FAM193A: variants seen among roughly 807,000 people sequenced by gnomAD.
FAM193A encodes the protein protein FAM193A.
A neutral mutation model predicts 126.5 loss-of-function variants in FAM193A; 22 were observed. That is an observed-to-expected ratio of 0.17 (90% CI 0.12 to 0.25). The LOEUF (loss-of-function observed/expected upper bound fraction) is 0.25. Ranked by LOEUF, FAM193A falls within the 10% of genes least tolerant of loss-of-function variation. FAM193A has a pLI of 1.00. For synonymous variants in FAM193A, 761 were observed against 646.8 expected (o/e 1.18, Z -2.68); for missense variants, 1,675 against 1,672.8 (o/e 1.00, Z -0.02).
At chr4:2,625,216 G>T in intron 2 of FAM193A, 46 bp from the exon 3 acceptor site, 1 of 639,580 alleles carries the variant, frequency 1.6e-6, no homozygotes, top group South Asian at 1.7e-5. Context: ...TTGATGCCGT[G>T]AACATTTTAA....
chr4:2,640,175 C>G (rs552636952), intron 6 of FAM193A, among the ~76,000 whole-genome samples: 1 of 152,176 alleles, frequency 6.6e-6, no homozygotes, highest in Admixed American at 6.6e-5. Context: ...GTGGTTCATG[C>G]TATGGCTCTT....
At chr4:2,612,513 A>G (rs1208414671) in intron 2 of FAM193A, among the ~76,000 whole-genome samples, 4 of 151,868 alleles carry the variant, frequency 2.6e-5, no homozygotes, top group African/African-American at 7.3e-5. Flanking sequence ...CAACAAACAA[A>G]CAAAAAAGTT....
intron 2 of FAM193A, among the ~76,000 whole-genome samples, chr4:2,608,330 C>G (rs2108936329): frequency 6.6e-6 from 1 of 152,230 alleles, no homozygotes; most frequent in South Asian, 2.1e-4. Flanking sequence ...AGGTGCGCAC[C>G]ACCATGCCTG....
intron 1 of FAM193A, among the ~76,000 whole-genome samples, chr4:2,568,578 A>T (rs947784086): frequency 5.9e-5 from 9 of 152,170 alleles, no homozygotes; most frequent in African/African-American, 2.2e-4. Context: ...CTGCCATGTG[A>T]ATTTAGACAG....
chr4:2,591,295 G>A (rs927410875), intron 1 of FAM193A, among the ~76,000 whole-genome samples: 1 of 152,116 alleles, frequency 6.6e-6, no homozygotes, highest in Admixed American at 6.5e-5. Flanking sequence ...TTTCAAGTGG[G>A]TGATTTTGCA....
At chr4:2,672,815 A>T (rs1484037548) in intron 13 of FAM193A, among the ~76,000 whole-genome samples, 1 of 152,176 alleles carries the variant, frequency 6.6e-6, no homozygotes, top group African/African-American at 2.4e-5. Context: ...CTGCTTTAGC[A>T]TTTAGAAATA....
intron 2 of FAM193A, among the ~76,000 whole-genome samples, chr4:2,596,693 C>T (rs1368290688): frequency 6.6e-6 from 1 of 152,222 alleles, no homozygotes. Flanking sequence ...TTACGCGATG[C>T]TCTTAAGCCT....
chr4:2,550,179 G>T (rs1431662033), intron 1 of FAM193A, among the ~76,000 whole-genome samples: 2 of 151,354 alleles, frequency 1.3e-5, no homozygotes, highest in African/African-American at 4.9e-5. Flanking sequence ...TGAGACTGTG[G>T]TGGTGCCAGG....
intron 5 of FAM193A, among the ~76,000 whole-genome samples, chr4:2,636,547 A>C (rs949730205): frequency 6.6e-6 from 1 of 152,136 alleles, no homozygotes; most frequent in Admixed American, 6.5e-5. Flanking sequence ...TTCTCTACTT[A>C]TACATGGTTT....
At chr4:2,567,019 A>G (rs1739004585) in intron 1 of FAM193A, among the ~76,000 whole-genome samples, 1 of 150,560 alleles carries the variant, frequency 6.6e-6, no homozygotes, top group African/African-American at 2.4e-5. Flanking sequence ...GGCTCACTGC[A>G]AGCTCCGCCT....
chr4:2,560,100 C>G (rs993579275), intron 1 of FAM193A, among the ~76,000 whole-genome samples: 4 of 152,060 alleles, frequency 2.6e-5, no homozygotes, highest in African/African-American at 9.7e-5. Flanking sequence ...TGCCACCACA[C>G]CCAGCTAATC....
intron 19 of FAM193A, among the ~76,000 whole-genome samples, chr4:2,705,625 T>G (rs765074398): frequency 5.3e-5 from 8 of 152,112 alleles, no homozygotes; most frequent in African/African-American, 1.9e-4. Context: ...GGTCTTGCTC[T>G]GTCACCCAGG....
intron 20 of FAM193A, among the ~76,000 whole-genome samples, chr4:2,728,017 C>T (rs754285892): frequency 1.3e-5 from 2 of 151,932 alleles, no homozygotes; most frequent in African/African-American, 4.8e-5. Flanking sequence ...CCGCAACCTC[C>T]GCCTGCCGGG....
intron 1 of FAM193A, among the ~76,000 whole-genome samples, chr4:2,584,336 G>C (rs1308686416): frequency 6.7e-6 from 1 of 150,170 alleles, no homozygotes; most frequent in Non-Finnish European, 1.5e-5. Context: ...CTAAGCAGGA[G>C]AATCGCTTGA....
At chr4:2,675,699 G>A (rs1427519527) in intron 13 of FAM193A, among the ~76,000 whole-genome samples, 1 of 152,132 alleles carries the variant, frequency 6.6e-6, no homozygotes, top group Admixed American at 6.5e-5. Context: ...AGAATTCAGT[G>A]GTATTAAATA....
chr4:2,582,587 T>C (rs1245074588), intron 1 of FAM193A, among the ~76,000 whole-genome samples: 1 of 151,514 alleles, frequency 6.6e-6, no homozygotes, highest in African/African-American at 2.5e-5. Context: ...GGACCAGGTG[T>C]TTTTTTGTTG....
chr4:2,599,408 T>G (rs1360011698), intron 2 of FAM193A, among the ~76,000 whole-genome samples: 1 of 152,102 alleles, frequency 6.6e-6, no homozygotes, highest in Non-Finnish European at 1.5e-5. Flanking sequence ...CTGCTCTGTC[T>G]CTGGTCAGGG....
At chr4:2,572,367 T>A (rs1739344425) in intron 1 of FAM193A, among the ~76,000 whole-genome samples, 1 of 151,828 alleles carries the variant, frequency 6.6e-6, no homozygotes, top group African/African-American at 2.4e-5. Context: ...ATTTCAAGTT[T>A]TCTAATACCG....
chr4:2,676,195 GCCA>G (rs1560553744), intron 13 of FAM193A, among the ~76,000 whole-genome samples: 1 of 152,188 alleles, frequency 6.6e-6, no homozygotes, highest in African/African-American at 2.4e-5. Context: ...TGGAGGAACT[GCCA>G]CCGTTTCCTA....
Sources: allele counts gnomAD v4.1 joint callset (sites outside exome capture counted in the v4.1 genomes callset), GRCh38; gene constraint gnomAD v4.1.1; transcripts MANE v1.5; gene names NCBI Gene and HGNC (gene_info 2026-07-23, HGNC 2026-07-21).